The following SCGB2B2 variants were observed in gnomAD, a reference collection of about 807,000 sequenced individuals.
SCGB2B2 encodes the protein secretoglobin family 2B member 2, also known as secretoglobin-like protein.
In SCGB2B2, 11 loss-of-function variants were observed where a neutral mutation model predicts 7.6. The ratio of observed to expected loss-of-function variants is 1.45; its 90% CI spans 0.91 to 2.40. SCGB2B2 has a LOEUF of 2.40. Ranked by LOEUF, SCGB2B2 falls within the 30% of genes most tolerant of loss-of-function variation. The probability of loss-of-function intolerance (pLI) is 0.00; values close to 1 mark genes in which losing one functional copy is unlikely to be tolerated. For missense variants in SCGB2B2, 104 were observed against 115.4 expected, an observed-to-expected ratio of 0.90 and a Z score of 0.45; for synonymous variants, 50 against 48.6, an observed-to-expected ratio of 1.03 and a Z score of -0.12.
At chr19:34,605,820 C>A (rs1466817058) in intron 1 of SCGB2B2, among the ~76,000 whole-genome samples, 1 of 152,128 alleles carries the variant, frequency 6.6e-6, no homozygotes, top group Non-Finnish European at 1.5e-5. Context: ...TCTCGAACTC[C>A]TGTCCTCAGG....
intron 1 of SCGB2B2, among the ~76,000 whole-genome samples, chr19:34,650,620 C>T (rs1453466672): frequency 6.6e-6 from 1 of 151,272 alleles, no homozygotes; most frequent in Non-Finnish European, 1.5e-5. Context: ...TAAAATATCT[C>T]CTATCACAGA....
chr19:34,619,295 T>C (rs1423757809), intron 1 of SCGB2B2, among the ~76,000 whole-genome samples: 1 of 152,196 alleles, frequency 6.6e-6, no homozygotes, highest in African/African-American at 2.4e-5. Flanking sequence ...TTCACGCATA[T>C]ATAGGCCAAA....
At chr19:34,634,140 C>T (rs760156787) in intron 1 of SCGB2B2, among the ~76,000 whole-genome samples, 4 of 152,116 alleles carry the variant, frequency 2.6e-5, no homozygotes, top group Non-Finnish European at 4.4e-5. Flanking sequence ...ATCTGTGTAC[C>T]CTCATGCCTC....
intron 1 of SCGB2B2, among the ~76,000 whole-genome samples, chr19:34,606,507 TTTTC>T (rs1450981233): frequency 3.1e-5 from 4 of 127,102 alleles, no homozygotes; most frequent in African/African-American, 5.4e-5. Flanking sequence ...CAGGTTTTTC[TTTTC>T]TTTTTCTTTT....
chr19:34,631,638 G>A (rs2066538483), intron 1 of SCGB2B2, among the ~76,000 whole-genome samples: 1 of 152,042 alleles, frequency 6.6e-6, no homozygotes, highest in Admixed American at 6.6e-5. Context: ...GGAGAGATAT[G>A]CCACGTTTAT....
intron 1 of SCGB2B2, among the ~76,000 whole-genome samples, chr19:34,627,406 G>A (rs867918932): frequency 1.1e-4 from 17 of 152,256 alleles, no homozygotes; most frequent in Middle Eastern, 3.4e-3. Flanking sequence ...ATAAAGGGAT[G>A]GAGGAAGATC....
At position 34,645,832 on chromosome 19, in the gene SCGB2B2, G is replaced by A. The variant is rs576483040; in HGVS notation, c.-2032+29798C>T. 12 of 236,478 alleles carry A rather than the reference G, an allele frequency of 5.1e-5. No homozygotes were observed. In the East Asian group the frequency reaches 1.7e-3, roughly 34 times the overall value. The allele number at this position is 236,478 out of a possible 1,614,324, so 14.6% of individuals were successfully genotyped here. ...CTATTGCAGACATTTGCCAGGGGAGGTTTCAGTGAATTCTGACCTCTGCTG... is the reference window on the plus strand; with the variant it reads ...CTATTGCAGACATTTGCCAGGGGAGATTTCAGTGAATTCTGACCTCTGCTG... On this transcript the variant is annotated intron_variant, in intron 1 of 3. Coordinates refer to ENST00000601241, the MANE Select transcript of SCGB2B2 (RefSeq NM_001025591.4).
chr19:34,613,751 GAT>G (rs1163703697), intron 1 of SCGB2B2, among the ~76,000 whole-genome samples: 1 of 152,090 alleles, frequency 6.6e-6, no homozygotes, highest in Non-Finnish European at 1.5e-5. Context: ...TCATGATAGT[GAT>G]TATTATCTTT....
At chr19:34,651,189 C>T (rs974154233) in intron 1 of SCGB2B2, among the ~76,000 whole-genome samples, 1 of 151,318 alleles carries the variant, frequency 6.6e-6, no homozygotes, top group African/African-American at 2.5e-5. Flanking sequence ...AGATCTGGAA[C>T]AAGGCAAGAA....
At chr19:34,612,481 G>C (rs1266725191) in intron 1 of SCGB2B2, among the ~76,000 whole-genome samples, 1 of 152,096 alleles carries the variant, frequency 6.6e-6, no homozygotes, top group Non-Finnish European at 1.5e-5. Flanking sequence ...TTTATCCTTT[G>C]TGTTACAAAT....
At chr19:34,658,474 T>A (rs1192940207) in intron 1 of SCGB2B2, among the ~76,000 whole-genome samples, 1 of 152,004 alleles carries the variant, frequency 6.6e-6, no homozygotes, top group Non-Finnish European at 1.5e-5. Flanking sequence ...TATAAACACC[T>A]CTACACAAAT....
intron 1 of SCGB2B2, among the ~76,000 whole-genome samples, chr19:34,644,473 A>G (rs1316476414): frequency 6.6e-6 from 1 of 151,296 alleles, no homozygotes; most frequent in African/African-American, 2.4e-5. Context: ...TGCCACCATC[A>G]CCACTATCGA....
intron 1 of SCGB2B2, among the ~76,000 whole-genome samples, chr19:34,647,785 TGAGAACCAC>T (rs1218828147): frequency 6.6e-6 from 1 of 152,122 alleles, no homozygotes; most frequent in Non-Finnish European, 1.5e-5. Flanking sequence ...GTAATAGTGA[TGAGAACCAC>T]AAGGACCACC....
At chr19:34,617,126 C>A (rs2145874891) in intron 1 of SCGB2B2, among the ~76,000 whole-genome samples, 1 of 152,306 alleles carries the variant, frequency 6.6e-6, no homozygotes, top group African/African-American at 2.4e-5. Flanking sequence ...TGTGATGCCT[C>A]CAGCTTTGTT....
intron 1 of SCGB2B2, among the ~76,000 whole-genome samples, chr19:34,601,160 GCT>G (rs2145781984): frequency 6.6e-6 from 1 of 152,238 alleles, no homozygotes; most frequent in African/African-American, 2.4e-5. Context: ...TTATTCTACT[GCT>G]CTGTGTCCTC....
intron 1 of SCGB2B2, among the ~76,000 whole-genome samples, chr19:34,668,059 C>T (rs914683575): frequency 4.6e-5 from 7 of 152,242 alleles, no homozygotes; most frequent in African/African-American, 1.4e-4. Context: ...CGCTCTCTCT[C>T]GGCGCCTCCT....
intron 1 of SCGB2B2, among the ~76,000 whole-genome samples, chr19:34,624,821 T>C (rs550902834): frequency 7.1e-4 from 108 of 152,272 alleles, no homozygotes; most frequent in African/African-American, 2.5e-3. Context: ...GGGGGATTGA[T>C]AAAGTCCTCT....
intron 1 of SCGB2B2, among the ~76,000 whole-genome samples, chr19:34,621,111 C>T (rs2066229503): frequency 6.6e-6 from 1 of 152,004 alleles, no homozygotes; most frequent in South Asian, 2.1e-4. Flanking sequence ...TTTATTTTTC[C>T]TTCAAAAAAT....
chr19:34,656,150 C>A (rs2067276463), intron 1 of SCGB2B2, among the ~76,000 whole-genome samples: 1 of 151,174 alleles, frequency 6.6e-6, no homozygotes. Flanking sequence ...AAACTATATG[C>A]TGATTAAGGA....
Sources: gnomAD v4.1 joint callset for allele counts (sites outside exome capture counted in the v4.1 genomes callset) on GRCh38, gnomAD v4.1.1 for gene constraint, MANE v1.5 for transcripts, NCBI Gene and HGNC (gene_info 2026-07-23, HGNC 2026-07-21) for gene names.